Variants in SGCZ observed in about 807,000 individuals in gnomAD.
The protein encoded by SGCZ is sarcoglycan zeta, also known as zeta-sarcoglycan.
In SGCZ, 40 loss-of-function variants were observed where a neutral mutation model predicts 41.3. The ratio of observed to expected loss-of-function variants is 0.97; its 90% CI spans 0.75 to 1.26. SGCZ has a LOEUF of 1.26. Among genes scored for constraint, SGCZ ranks in the 50% most tolerant of loss-of-function variants. The probability of loss-of-function intolerance (pLI) is 0.00; values close to 1 mark genes in which losing one functional copy is unlikely to be tolerated. For missense variants in SGCZ, 552 were observed against 369.8 expected (o/e 1.49, Z -4.04); for synonymous variants, 206 against 137.5 (o/e 1.50, Z -3.49).
chr8:14,551,765 C>T (rs1186342820), intron 2 of SGCZ, among the ~76,000 whole-genome samples: 1 of 126,790 alleles, frequency 7.9e-6, no homozygotes, highest in Non-Finnish European at 1.6e-5. Flanking sequence ...TTTTCTACAA[C>T]TGGGTATCTC....
At chr8:15,040,543 G>C (rs1210097434) in intron 1 of SGCZ, among the ~76,000 whole-genome samples, 14 of 152,080 alleles carry the variant, frequency 9.2e-5, no homozygotes, top group Non-Finnish European at 4.4e-5. Context: ...CTTGTAACCG[G>C]GAGGCGGAGG....
intron 1 of SGCZ, among the ~76,000 whole-genome samples, chr8:14,612,080 G>C (rs1278319185): frequency 6.6e-6 from 1 of 152,132 alleles, no homozygotes; most frequent in Non-Finnish European, 1.5e-5. Context: ...AAAAACATTA[G>C]CTATGAAAAC....
chr8:14,383,806 G>C (rs1028587395), intron 2 of SGCZ, among the ~76,000 whole-genome samples: 1 of 152,120 alleles, frequency 6.6e-6, no homozygotes, highest in Admixed American at 6.6e-5. Flanking sequence ...ATGTAGGCCA[G>C]ACCACTGAGG....
intron 1 of SGCZ, among the ~76,000 whole-genome samples, chr8:14,624,555 A>ATTATTATTTTTTTTTTTTTTTTT (rs1438250019): frequency 3.1e-5 from 3 of 96,270 alleles, no homozygotes; most frequent in Non-Finnish European, 5.9e-5. Flanking sequence ...TATTATTATT[A>ATTATTATTTTTTTTTTTTTTTTT]TTTTTTTTTT....
intron 1 of SGCZ, among the ~76,000 whole-genome samples, chr8:14,952,719 G>C (rs1220554580): frequency 6.6e-6 from 1 of 152,022 alleles, no homozygotes; most frequent in Non-Finnish European, 1.5e-5. Flanking sequence ...AGAAGAAGTG[G>C]GGCAGGGACA....
chr8:14,532,727 G>C (rs1048798333), intron 2 of SGCZ, among the ~76,000 whole-genome samples: 1 of 134,150 alleles, frequency 7.5e-6, no homozygotes, highest in African/African-American at 2.9e-5. Flanking sequence ...GAGGGCGGGG[G>C]GGAGGAGGGT....
intron 1 of SGCZ, among the ~76,000 whole-genome samples, chr8:15,123,859 A>G (rs1280591839): frequency 6.6e-6 from 1 of 152,002 alleles, no homozygotes; most frequent in Non-Finnish European, 1.5e-5. Flanking sequence ...AAGAAAACGT[A>G]TTTCAGGTAA....
At chr8:14,265,343 T>A (rs118067477) in intron 3 of SGCZ, among the ~76,000 whole-genome samples, 1 of 152,188 alleles carries the variant, frequency 6.6e-6, no homozygotes, top group South Asian at 2.1e-4. Context: ...ATTTTCTTTA[T>A]AGCATTCTGA....
chr8:14,112,026 A>ACATC (rs1307820425), intron 5 of SGCZ, among the ~76,000 whole-genome samples: 2 of 152,170 alleles, frequency 1.3e-5, no homozygotes, highest in Admixed American at 6.6e-5. Context: ...TCACCGATTG[A>ACATC]CATCCATGTA....
intron 2 of SGCZ, among the ~76,000 whole-genome samples, chr8:14,439,246 G>A (rs978362567): frequency 1.3e-5 from 2 of 150,326 alleles, no homozygotes; most frequent in African/African-American, 4.9e-5. Flanking sequence ...TATATTTTTA[G>A]GAGTTTTTGG....
intron 1 of SGCZ, among the ~76,000 whole-genome samples, chr8:15,171,860 T>A (rs543230746): frequency 1.3e-5 from 2 of 152,156 alleles, no homozygotes. Flanking sequence ...TGCATATTCA[T>A]TGCCAAACGA....
intron 3 of SGCZ, among the ~76,000 whole-genome samples, chr8:14,281,906 G>A (rs889211456): frequency 3.3e-5 from 5 of 151,686 alleles, no homozygotes; most frequent in Admixed American, 6.6e-5. Context: ...TGCCTCAAAC[G>A]ATAATTATTT....
At position 15,119,273 on chromosome 8, in the gene SGCZ, G is replaced by A. The variant is rs145872036; in HGVS notation, c.39+118312C>T. Among the ~76,000 whole-genome samples the A allele has an allele frequency of 1.7e-3, 260 of 152,222 alleles. 3 individuals carry two copies. In the East Asian group the frequency reaches 0.043, roughly 25 times the overall value. On this transcript the variant is annotated intron_variant, in intron 1 of 7. Transcript: ENST00000382080. Reference sequence around the variant, plus strand: ...TAGCGGGGTGCAGTGGCTCACTCCTGTAATCCCAGCACCTTGGGAGGCCGA... The same window carrying A: ...TAGCGGGGTGCAGTGGCTCACTCCTATAATCCCAGCACCTTGGGAGGCCGA...
At chr8:14,547,272 G>A (rs551216363) in intron 2 of SGCZ, among the ~76,000 whole-genome samples, 10 of 152,110 alleles carry the variant, frequency 6.6e-5, no homozygotes, top group Admixed American at 6.6e-4. Flanking sequence ...TGTTTCAAAA[G>A]AAGATTAGCT....
intron 1 of SGCZ, among the ~76,000 whole-genome samples, chr8:14,999,822 G>C (rs1331160945): frequency 6.6e-6 from 1 of 152,162 alleles, no homozygotes; most frequent in Non-Finnish European, 1.5e-5. Flanking sequence ...GACAATCGCG[G>C]AACAGCAAAA....
intron 1 of SGCZ, among the ~76,000 whole-genome samples, chr8:14,607,415 C>A (rs1268468635): frequency 6.6e-6 from 1 of 152,164 alleles, no homozygotes; most frequent in South Asian, 2.1e-4. Flanking sequence ...ATGCCCTATA[C>A]TATTAATCCA....
intron 2 of SGCZ, among the ~76,000 whole-genome samples, chr8:14,467,485 T>C (rs1002124177): frequency 5.3e-5 from 8 of 152,056 alleles, no homozygotes; most frequent in Non-Finnish European, 1.2e-4. Context: ...CCTAAAACTG[T>C]GTGCAAACTG....
chr8:14,908,753 A>AAAT (rs1281161611), intron 1 of SGCZ, among the ~76,000 whole-genome samples: 1 of 151,612 alleles, frequency 6.6e-6, no homozygotes, highest in African/African-American at 2.4e-5. Context: ...CAAAAAAAAA[A>AAAT]AAAAAAAAAA....
At chr8:14,940,512 T>C (rs888813114) in intron 1 of SGCZ, among the ~76,000 whole-genome samples, 4 of 152,156 alleles carry the variant, frequency 2.6e-5, no homozygotes, top group African/African-American at 9.7e-5. Flanking sequence ...TATATGTGTG[T>C]GTAAAGAATA....
Sources: gnomAD v4.1 joint callset for allele counts (sites outside exome capture counted in the v4.1 genomes callset) on GRCh38, gnomAD v4.1.1 for gene constraint, MANE v1.5 for transcripts, NCBI Gene and HGNC (gene_info 2026-07-23, HGNC 2026-07-21) for gene names.